The following ARHGEF7 variants were observed in gnomAD, a reference collection of about 807,000 sequenced individuals.
ARHGEF7 encodes PAK-interacting exchange factor beta.
Under a neutral mutation model 109.8 loss-of-function variants are expected in ARHGEF7, and 33 were observed. The observed-to-expected ratio is 0.30, with a 90% CI of 0.23 to 0.40. ARHGEF7 has a LOEUF of 0.40. ARHGEF7 is among the 10% of genes least tolerant of loss of function. The pLI is 1.00. For synonymous variants in ARHGEF7, 458 were observed against 424.6 expected, an observed-to-expected ratio of 1.08 and a Z score of -0.97; for missense variants, 938 against 1,098.5, an observed-to-expected ratio of 0.85 and a Z score of 2.07.
At chr13:111,233,424 G>A (rs779395974) in intron 6 of ARHGEF7, 131 bp downstream of exon 6, 5 of 719,738 alleles carry the variant, frequency 6.9e-6, no homozygotes, top group Non-Finnish European at 1.2e-5. Flanking sequence ...CCACACAAAT[G>A]TAACCACCAT....
intron 2 of ARHGEF7, chr13:111,186,960 A>G (rs1055812465): frequency 6.1e-6 from 6 of 985,568 alleles, no homozygotes; most frequent in Admixed American, 1.2e-4. Context: ...CAGCGCTACC[A>G]TGGAGGCAGG....
intron 6 of ARHGEF7, 57 bp downstream of exon 6, chr13:111,233,350 A>C: frequency 1.5e-6 from 2 of 1,356,360 alleles, no homozygotes; most frequent in Non-Finnish European, 2.1e-6. Flanking sequence ...TGTAAAACTC[A>C]GCAATGTAGA....
intron 16 of ARHGEF7, 143 bp downstream of exon 16, chr13:111,283,506 C>G: frequency 1.5e-6 from 2 of 1,342,708 alleles, no homozygotes; most frequent in Non-Finnish European, 2.0e-6. Flanking sequence ...TGCCTTGGTT[C>G]TCTGGTTATC....
intron 1 of ARHGEF7, among the ~76,000 whole-genome samples, chr13:111,147,090 A>G (rs1007277719): frequency 6.6e-6 from 1 of 152,304 alleles, no homozygotes; most frequent in South Asian, 2.1e-4. Context: ...TGGAGACTAC[A>G]TGAGAAAGCA....
intron 6 of ARHGEF7, among the ~76,000 whole-genome samples, chr13:111,240,728 G>A (rs1240054703): frequency 2.6e-5 from 4 of 152,124 alleles, no homozygotes; most frequent in Admixed American, 6.5e-5. Context: ...GTAGGGTGGA[G>A]GTAGATTTGG....
At chr13:111,279,773 C>T (rs2092686803) in intron 13 of ARHGEF7, among the ~76,000 whole-genome samples, 1 of 152,216 alleles carries the variant, frequency 6.6e-6, no homozygotes, top group Non-Finnish European at 1.5e-5. Flanking sequence ...GCATTTAGCA[C>T]AACTACTTAT....
At chr13:111,241,102 C>G (rs1218975466) in intron 6 of ARHGEF7, 3 of 1,490,226 alleles carry the variant, frequency 2.0e-6, no homozygotes, top group Non-Finnish European at 2.7e-6. Flanking sequence ...CAGTGTTTGA[C>G]TGCACTTGCC....
chr13:111,290,859 C>T (rs1217314556), intron 18 of ARHGEF7, among the ~76,000 whole-genome samples: 2 of 152,184 alleles, frequency 1.3e-5, no homozygotes, highest in Non-Finnish European at 1.5e-5. Context: ...CTCGCTTGTG[C>T]TGGAAAGGTG....
chr13:111,253,358 T>C (rs2090023005), intron 8 of ARHGEF7, among the ~76,000 whole-genome samples: 2 of 152,218 alleles, frequency 1.3e-5, no homozygotes, highest in Admixed American at 6.5e-5. Flanking sequence ...AACTGATAAG[T>C]TGGGAATTTG....
At chr13:111,147,887 C>T (rs1011358785) in intron 1 of ARHGEF7, among the ~76,000 whole-genome samples, 5 of 151,836 alleles carry the variant, frequency 3.3e-5, no homozygotes, top group Non-Finnish European at 5.9e-5. Flanking sequence ...TTAGTAGAGA[C>T]GGGGTTTCAC....
chr13:111,270,177 T>C (rs376873238), intron 9 of ARHGEF7, among the ~76,000 whole-genome samples: 3 of 152,246 alleles, frequency 2.0e-5, no homozygotes, highest in Admixed American at 2.0e-4. Flanking sequence ...CTATTTTGAA[T>C]GAACTATGGG....
chr13:111,258,542 G>T lies in ARHGEF7; in HGVS notation c.951-9006G>T, dbSNP rs1026251630. On this transcript the variant is annotated intron_variant, in intron 8 of 21. Transcript: ENST00000646102. This position sits in a 1 kb window ranked among gnomAD's most constrained non-coding sequence, Gnocchi z 4.4. ...CAGTTCCTGTCAGGATCCATCATCT[G>T]CTGACTAAAGAGTCCTTGGGCCCTG... is the stretch of plus-strand genomic sequence containing the variant. 4.6e-5 allele frequency among the ~76,000 whole-genome samples: 7 copies of T among 152,210 alleles called. No homozygotes were observed. The highest frequency in any genetic ancestry group is 1.7e-4 in the African/African-American group (7 of 41,454).
At chr13:111,156,595 C>T (rs1313301539) in intron 2 of ARHGEF7, among the ~76,000 whole-genome samples, 2 of 152,218 alleles carry the variant, frequency 1.3e-5, no homozygotes, top group Non-Finnish European at 2.9e-5. Flanking sequence ...CTCTGGCTTC[C>T]AGCCTTGTAA....
chr13:111,245,130 G>T (rs989044271), intron 8 of ARHGEF7, among the ~76,000 whole-genome samples: 1 of 152,132 alleles, frequency 6.6e-6, no homozygotes, highest in South Asian at 2.1e-4. Context: ...GACCAATGCC[G>T]GCTGCAGGCA....
intron 2 of ARHGEF7, among the ~76,000 whole-genome samples, chr13:111,166,424 T>A (rs892254970): frequency 9.2e-5 from 14 of 152,176 alleles, no homozygotes; most frequent in Non-Finnish European, 7.3e-5. Context: ...CAGGATCATT[T>A]TGGCTGTGTT....
At chr13:111,136,304 C>T (rs901308788) in intron 1 of ARHGEF7, among the ~76,000 whole-genome samples, 11 of 152,084 alleles carry the variant, frequency 7.2e-5, no homozygotes, top group African/African-American at 2.7e-4. Context: ...CTTCTCAGCA[C>T]CACATCACAC....
Position 111,203,034 on chromosome 13 carries a change from A to G in ARHGEF7, c.253-2255A>G, listed in dbSNP as rs550785854. 96 of 1,254,028 alleles carry G rather than the reference A, an allele frequency of 7.7e-5. 1 individual carries two copies. The South Asian group carries it at 1.1e-3, about 15-fold the overall frequency. The allele number at this position is 1,254,028 out of a possible 1,614,324, so 77.7% of individuals were successfully genotyped here. ...CTGGGTATCCAAGTAAGAAAGATAT[A>G]TAGTTCTGGAATAACAGGAAACTTC... On this transcript the variant is annotated intron_variant, in intron 2 of 21. Coordinates refer to ENST00000646102, the MANE Select transcript of ARHGEF7 (RefSeq NM_001354046.2).
chr13:111,221,556 TATCTATATATATAGATAC>T (rs2084340230), intron 5 of ARHGEF7, among the ~76,000 whole-genome samples: 1 of 73,326 alleles, frequency 1.4e-5, no homozygotes, highest in African/African-American at 4.4e-5. Context: ...CATATCTATA[TATCTATATATATAGATAC>T]ATATCTATAT....
At chr13:111,268,690 C>A (rs2091886017) in intron 9 of ARHGEF7, among the ~76,000 whole-genome samples, 1 of 152,128 alleles carries the variant, frequency 6.6e-6, no homozygotes, top group Non-Finnish European at 1.5e-5. Context: ...GGCTCTGCAG[C>A]CTTGGGCAGA....
Sources: gnomAD v4.1 joint callset for allele counts (sites outside exome capture counted in the v4.1 genomes callset) on GRCh38, gnomAD v4.1.1 for gene constraint, Gnocchi (gnomAD v3.1) non-coding constraint, MANE v1.5 for transcripts, NCBI Gene and HGNC (gene_info 2026-07-23, HGNC 2026-07-21) for gene names.